S100A5: variants seen among roughly 807,000 people sequenced by gnomAD.
S100A5 encodes S100 calcium binding protein A5.
S100A5 carries 5 observed loss-of-function variants against 6.7 expected under a neutral mutation model. The ratio of observed to expected loss-of-function variants is 0.75; its 90% CI spans 0.39 to 1.57. The LOEUF (loss-of-function observed/expected upper bound fraction) is 1.57. Ranked by LOEUF, S100A5 falls within the 40% of genes most tolerant of loss-of-function variation. The pLI is 0.03. For synonymous variants in S100A5, 49 were observed against 44.9 expected (o/e 1.09, Z -0.37); for missense variants, 129 against 110.8 (o/e 1.16, Z -0.74).
chr1:153,543,583 C>T (rs28587171), upstream of S100A5: 4,882 of 712,720 alleles, frequency 6.8e-3, 186 homozygotes, highest in African/African-American at 0.076. Context: ...CCTCAGTCCC[C>T]AACCCACGCC....
At chr1:153,543,307 G>A (rs575696353), upstream of S100A5, 5 of 985,052 alleles carry the variant, frequency 5.1e-6, no homozygotes, top group Admixed American at 6.2e-5. Context: ...TTCCAGCCTC[G>A]GTTCAAGATC....
At chr1:153,537,474 G>C in intron 2 of S100A5, 38 bp from the exon 3 acceptor site, 1 of 1,609,230 alleles carries the variant, frequency 6.2e-7, no homozygotes, top group Non-Finnish European at 8.5e-7. Context: ...CTCAGACCCC[G>C]CTCCCAGCCC....
At chr1:153,543,147 G>C (rs1297039999), upstream of S100A5, 2 of 863,252 alleles carry the variant, frequency 2.3e-6, no homozygotes, top group Non-Finnish European at 2.8e-6. Context: ...GACTGTCAAC[G>C]TCAGCACTGA....
intron 2 of S100A5, among the ~76,000 whole-genome samples, chr1:153,539,163 C>T (rs999922992): frequency 3.3e-5 from 5 of 151,702 alleles, no homozygotes; most frequent in Non-Finnish European, 7.4e-5. Flanking sequence ...CGCAGTGGCT[C>T]ACGCCTGTAA....
upstream of S100A5, chr1:153,543,591 G>A (rs368647399): frequency 1.0e-4 from 72 of 706,670 alleles, 1 homozygote; most frequent in African/African-American, 1.1e-3. Flanking sequence ...CCCAACCCAC[G>A]CCCCCAGAGT....
intron 2 of S100A5, 50 bp from the exon 3 acceptor site, chr1:153,537,486 G>C: frequency 6.2e-7 from 1 of 1,604,926 alleles, no homozygotes; most frequent in East Asian, 2.2e-5. Context: ...TCCCAGCCCT[G>C]CCCTCGCACC....
At chr1:153,538,939 G>A (rs1203334210) in intron 2 of S100A5, among the ~76,000 whole-genome samples, 1 of 151,910 alleles carries the variant, frequency 6.6e-6, no homozygotes, top group African/African-American at 2.4e-5. Flanking sequence ...GAACAGCCTG[G>A]GTAAAATAGT....
chr1:153,541,342 A>G (rs1665380878), upstream of S100A5: 1 of 1,346,630 alleles, frequency 7.4e-7, no homozygotes, highest in Non-Finnish European at 1.0e-6. Flanking sequence ...AGCGTGACCC[A>G]CCAGATATCA....
At chr1:153,540,998 C>T (rs145110946), upstream of S100A5, among the ~76,000 whole-genome samples, 12 of 152,306 alleles carry the variant, frequency 7.9e-5, 1 homozygote, top group Admixed American at 5.9e-4. Context: ...GCAACACCCA[C>T]GGAACTTGAA....
chr1:153,537,567 C>A lies in S100A5; in HGVS notation c.139-131G>T, dbSNP rs138399548. ...GCTGAGTCAATGACACTGTCAGCAT[C>A]TCGACCCCCAGAGTCTGCCCACTGC... On this transcript the variant is annotated intron_variant, in intron 2 of 2. Coordinates refer to ENST00000368717, the MANE Select transcript of S100A5 (RefSeq NM_001394232.1). 213 of 1,170,564 alleles carry A rather than the reference C, an allele frequency of 1.8e-4. 2 individuals carry two copies. The East Asian group carries it at 4.9e-3, about 27-fold the overall frequency. 72.5% of individuals were successfully genotyped at this position (1,170,564 alleles called of 1,614,324 possible). A position where few individuals can be genotyped will look rare whatever the true frequency, so the allele number is the denominator to read the frequency against.
At chr1:153,543,378 G>A, upstream of S100A5, 1 of 768,004 alleles carries the variant, frequency 1.3e-6, no homozygotes, top group East Asian at 1.3e-4. Flanking sequence ...AGATCCCACA[G>A]CTGGGACCTT....
chr1:153,543,406 G>A (rs1432243178), upstream of S100A5: 1 of 451,778 alleles, frequency 2.2e-6, no homozygotes, highest in East Asian at 1.5e-4. Flanking sequence ...TTGGCAGGGG[G>A]GTGGTGAGGG....
rs756586740 is a variant in S100A5, at chr1:153,540,044, A to G, written c.138+10T>C. On this transcript the variant is annotated intron_variant, in intron 2 of 2. Coordinates refer to ENST00000368717, the MANE Select transcript of S100A5 (RefSeq NM_001394232.1). Reference sequence around the variant, plus strand: ...ACTTTGGGGTGGAGGATGAGGGAACAATCACCTACCTCCCCAAGACACAGC... The same window carrying G: ...ACTTTGGGGTGGAGGATGAGGGAACGATCACCTACCTCCCCAAGACACAGC... The G allele has an allele frequency of 6.2e-7, 1 of 1,613,786 alleles. No homozygotes were observed. Among genetic ancestry groups the G allele is most frequent in the Non-Finnish European group, 8.5e-7 (1 of 1,179,828 alleles).
At position 153,537,213 on chromosome 1, in the gene S100A5, G is replaced by A; in HGVS notation, c.*83C>T. 6.7e-7 allele frequency: 1 copy of A among 1,487,074 alleles called. No homozygotes were observed. Among genetic ancestry groups the A allele is most frequent in the South Asian group, 1.2e-5 (1 of 82,750 alleles). The allele number at this position is 1,487,074 out of a possible 1,614,324, so 92.1% of individuals were successfully genotyped here. ...GGGTCCATCTGGGAGGGAGAGGAGG[G>A]CAGGGGGCCAAAGAGGGTCTGTGAG... is the stretch of plus-strand genomic sequence containing the variant. On this transcript the variant is annotated 3_prime_UTR_variant, in exon 3 of 3. Coordinates refer to ENST00000368717, the MANE Select transcript of S100A5 (RefSeq NM_001394232.1).
Position 153,540,049 on chromosome 1 carries a change from C to G in S100A5, c.138+5G>C, listed in dbSNP as rs778138440. 6.2e-7 allele frequency: 1 copy of G among 1,613,762 alleles called. No individual in the cohort carries two copies. The highest frequency in any genetic ancestry group is 1.3e-5 in the African/African-American group (1 of 74,892). ...GGGGTGGAGGATGAGGGAACAATCA[C>G]CTACCTCCCCAAGACACAGCTCTTT... On this transcript the variant is annotated splice_donor_5th_base_variant and intron_variant, in intron 2 of 2. Coordinates refer to ENST00000368717, the MANE Select transcript of S100A5 (RefSeq NM_001394232.1).
chr1:153,539,965 C>T, intron 2 of S100A5, 89 bp downstream of exon 2: 1 of 1,521,852 alleles, frequency 6.6e-7, no homozygotes, highest in Non-Finnish European at 9.0e-7. Context: ...CTGCCCCTGG[C>T]TTAGGCTGGA....
At chr1:153,538,983 A>T (rs984636872) in intron 2 of S100A5, among the ~76,000 whole-genome samples, 2 of 152,080 alleles carry the variant, frequency 1.3e-5, no homozygotes, top group African/African-American at 4.8e-5. Flanking sequence ...TTTAAAAATT[A>T]TCTAAGCGTG....
At chr1:153,542,020 G>A (rs1665406337), upstream of S100A5, 5 of 445,646 alleles carry the variant, frequency 1.1e-5, no homozygotes, top group Non-Finnish European at 1.5e-5. Context: ...GGAGACTCTT[G>A]GCATGGAGGA....
At chr1:153,539,741 C>T (rs1665323752) in intron 2 of S100A5, among the ~76,000 whole-genome samples, 1 of 152,030 alleles carries the variant, frequency 6.6e-6, no homozygotes, top group Non-Finnish European at 1.5e-5. Flanking sequence ...CATCCCTTCA[C>T]CACCCATGAC....
Sources: gnomAD v4.1 joint callset for allele counts (sites outside exome capture counted in the v4.1 genomes callset) on GRCh38, gnomAD v4.1.1 for gene constraint, MANE v1.5 for transcripts, NCBI Gene and HGNC (gene_info 2026-07-23, HGNC 2026-07-21) for gene names.